Variants in CSTPP1 observed in about 807,000 individuals in gnomAD.
The protein encoded by CSTPP1 is UPF0705 protein C11orf49.
chr11:47,096,797 G>A, the CSTPP1 span, among the ~76,000 whole-genome samples: 1 of 140,656 alleles, frequency 7.1e-6, no homozygotes, highest in African/African-American at 2.6e-5. Context: ...TTTCTGCAAT[G>A]TTAAGGCCCA....
At chr11:47,030,697 A>C in the CSTPP1 span, among the ~76,000 whole-genome samples, 2 of 152,026 alleles carry the variant, frequency 1.3e-5, no homozygotes, top group Non-Finnish European at 2.9e-5. Context: ...AATAGGCCCC[A>C]GTGTGTGTTG....
chr11:47,101,178 TTTTTTTTTTTTA>T, the CSTPP1 span, among the ~76,000 whole-genome samples: 1 of 93,020 alleles, frequency 1.1e-5, no homozygotes, highest in Admixed American at 1.1e-4. Flanking sequence ...TTTTTTTTTT[TTTTTTTTTTTTA>T]TTTTATTTTT....
chr11:46,950,784 G>T, the CSTPP1 span, among the ~76,000 whole-genome samples: 1 of 151,860 alleles, frequency 6.6e-6, no homozygotes, highest in Non-Finnish European at 1.5e-5. Flanking sequence ...GCTAATTTTT[G>T]TATTTTTAGT....
the CSTPP1 span, chr11:47,157,918 C>T: frequency 6.2e-7 from 1 of 1,613,318 alleles, no homozygotes; most frequent in Admixed American, 1.7e-5. Context: ...TCAACCAAGC[C>T]CTCGGTAAGT....
the CSTPP1 span, among the ~76,000 whole-genome samples, chr11:46,954,621 T>C: frequency 2.0e-5 from 3 of 152,218 alleles, 1 homozygote; most frequent in South Asian, 6.2e-4. Context: ...AAAATTCCAC[T>C]TCTTCCATTG....
the CSTPP1 span, among the ~76,000 whole-genome samples, chr11:47,064,259 T>TGTAG: frequency 0.039 from 5,992 of 152,216 alleles, 355 homozygotes; most frequent in African/African-American, 0.14. Flanking sequence ...TTTTCTGTTC[T>TGTAG]GTAGGTCATC....
chr11:47,097,275 T>TG, the CSTPP1 span, among the ~76,000 whole-genome samples: 1 of 104,896 alleles, frequency 9.5e-6, no homozygotes, highest in African/African-American at 3.4e-5. Flanking sequence ...GGGAGGGAGG[T>TG]GGGGGGGTCA....
At chr11:47,143,195 A>C in the CSTPP1 span, among the ~76,000 whole-genome samples, 2 of 152,314 alleles carry the variant, frequency 1.3e-5, no homozygotes, top group South Asian at 4.1e-4. Flanking sequence ...GTATCCCAGA[A>C]AGCATCCCCT....
chr11:46,966,323 G>A, the CSTPP1 span, among the ~76,000 whole-genome samples: 2 of 152,204 alleles, frequency 1.3e-5, no homozygotes, highest in Admixed American at 1.3e-4. Context: ...TTACAGGCGT[G>A]AGCCACCGCG....
chr11:47,021,216 C>G, the CSTPP1 span, among the ~76,000 whole-genome samples: 1 of 152,166 alleles, frequency 6.6e-6, no homozygotes, highest in Non-Finnish European at 1.5e-5. Flanking sequence ...CAAAGAGCAC[C>G]TGGTCATTCT....
chr11:46,986,642 T>C, the CSTPP1 span, among the ~76,000 whole-genome samples: 1 of 152,088 alleles, frequency 6.6e-6, no homozygotes, highest in Admixed American at 6.6e-5. Context: ...CTAATTTTTG[T>C]ATTATTGGTA....
At chr11:46,954,638 G>T in the CSTPP1 span, among the ~76,000 whole-genome samples, 1 of 152,084 alleles carries the variant, frequency 6.6e-6, no homozygotes, top group African/African-American at 2.4e-5. Flanking sequence ...ATTGAAGAAA[G>T]TTCAAAGAAT....
the CSTPP1 span, among the ~76,000 whole-genome samples, chr11:47,144,345 C>T: frequency 2.0e-4 from 31 of 152,170 alleles, no homozygotes; most frequent in African/African-American, 5.1e-4. Context: ...CCCGCCACCA[C>T]GCCTTGCTAA....
the CSTPP1 span, chr11:46,948,181 C>G: frequency 2.9e-5 from 13 of 456,030 alleles, no homozygotes; most frequent in Non-Finnish European, 5.3e-5. Context: ...AGGCAACACA[C>G]AAAGAAGTTC....
chr11:47,040,854 A>G, the CSTPP1 span, among the ~76,000 whole-genome samples: 1 of 126,980 alleles, frequency 7.9e-6, no homozygotes, highest in Non-Finnish European at 1.9e-5. Context: ...TTCTCAGGGT[A>G]TGCTTCAATT....
chr11:47,119,602 CTTTTTTTTTTTT>C, the CSTPP1 span, among the ~76,000 whole-genome samples: 1 of 61,876 alleles, frequency 1.6e-5, no homozygotes. Context: ...CTGCCCACTT[CTTTTTTTTTTTT>C]TTTTTTTTTT....
At chr11:46,976,890 C>T in the CSTPP1 span, among the ~76,000 whole-genome samples, 2 of 152,150 alleles carry the variant, frequency 1.3e-5, no homozygotes, top group Non-Finnish European at 2.9e-5. Flanking sequence ...TTTCGACCTA[C>T]ATTTGGTTGG....
At chr11:46,966,995 C>CT in the CSTPP1 span, among the ~76,000 whole-genome samples, 1 of 151,930 alleles carries the variant, frequency 6.6e-6, no homozygotes, top group East Asian at 1.9e-4. Flanking sequence ...TCGGGGTGAC[C>CT]TTATATGGCT....
At chr11:46,955,061 T>A in the CSTPP1 span, among the ~76,000 whole-genome samples, 1 of 152,174 alleles carries the variant, frequency 6.6e-6, no homozygotes, top group African/African-American at 2.4e-5. Flanking sequence ...CAGGCTTTCC[T>A]ACCCTCCCTC....
Sources: gnomAD v4.1 joint callset for allele counts (sites outside exome capture counted in the v4.1 genomes callset) on GRCh38, gnomAD v4.1.1 for gene constraint, MANE v1.5 for transcripts, NCBI Gene and HGNC (gene_info 2026-07-23, HGNC 2026-07-21) for gene names.